ASTN2: variants seen among roughly 807,000 people sequenced by gnomAD.
ASTN2 encodes the protein astrotactin-2.
In ASTN2, 54 loss-of-function variants were observed where a neutral mutation model predicts 139.8. The ratio of observed to expected loss-of-function variants is 0.39; its 90% CI spans 0.31 to 0.48. ASTN2 has a LOEUF of 0.48. Ranked by LOEUF, ASTN2 falls within the 20% of genes least tolerant of loss-of-function variation. The pLI is 0.95. For missense variants in ASTN2, 1,565 were observed against 1,725.1 expected (o/e 0.91, Z 1.64); for synonymous variants, 756 against 719.5 (o/e 1.05, Z -0.81).
chr9:116,494,006 A>G (rs1008012734), intron 19 of ASTN2, among the ~76,000 whole-genome samples: 1 of 152,182 alleles, frequency 6.6e-6, no homozygotes, highest in Admixed American at 6.5e-5. Context: ...GCAACTGTAG[A>G]AATTCATTAT....
intron 1 of ASTN2, among the ~76,000 whole-genome samples, chr9:117,382,346 C>G (rs557297620): frequency 5.3e-5 from 8 of 152,298 alleles, no homozygotes; most frequent in East Asian, 3.9e-4. Context: ...CAGAACAAGT[C>G]TGATCTGCAG....
intron 10 of ASTN2, among the ~76,000 whole-genome samples, chr9:116,908,747 T>A (rs184393317): frequency 1.1e-4 from 17 of 152,346 alleles, no homozygotes. Context: ...AAGCTGTGTA[T>A]GCAGAGATGC....
intron 3 of ASTN2, among the ~76,000 whole-genome samples, chr9:117,210,576 C>T (rs1265327337): frequency 6.6e-6 from 1 of 151,964 alleles, no homozygotes; most frequent in Non-Finnish European, 1.5e-5. Flanking sequence ...AGCCTTCCAA[C>T]AAAGAAAAGT....
intron 11 of ASTN2, among the ~76,000 whole-genome samples, chr9:116,847,204 C>G (rs952477893): frequency 6.6e-6 from 1 of 152,174 alleles, no homozygotes; most frequent in Non-Finnish European, 1.5e-5. Flanking sequence ...CAACCTCTGC[C>G]TCCCTGGTTC....
At chr9:117,328,783 G>A (rs2130844516) in intron 1 of ASTN2, among the ~76,000 whole-genome samples, 1 of 152,302 alleles carries the variant, frequency 6.6e-6, no homozygotes, top group South Asian at 2.1e-4. Context: ...GGATGACCCA[G>A]CCAGAGTGCC....
At chr9:116,602,928 C>A (rs1224816269) in intron 19 of ASTN2, among the ~76,000 whole-genome samples, 1 of 152,154 alleles carries the variant, frequency 6.6e-6, no homozygotes, top group African/African-American at 2.4e-5. Context: ...AGACCTCCAT[C>A]TCAAAGAATG....
chr9:116,990,330 C>G (rs939177486), intron 7 of ASTN2, among the ~76,000 whole-genome samples: 1 of 152,092 alleles, frequency 6.6e-6, no homozygotes, highest in East Asian at 1.9e-4. Flanking sequence ...TGCAGTTGCA[C>G]GATCTCAGCT....
intron 2 of ASTN2, among the ~76,000 whole-genome samples, chr9:117,264,433 T>C (rs1046626280): frequency 2.0e-5 from 3 of 152,232 alleles, no homozygotes; most frequent in African/African-American, 7.2e-5. Context: ...TCGTGATAAA[T>C]TACTGTGCCT....
At chr9:116,995,280 G>A (rs1395253786) in intron 7 of ASTN2, among the ~76,000 whole-genome samples, 2 of 152,152 alleles carry the variant, frequency 1.3e-5, no homozygotes, top group Non-Finnish European at 2.9e-5. Context: ...TTCAGAGCTG[G>A]AGAGTACTCA....
intron 11 of ASTN2, among the ~76,000 whole-genome samples, chr9:116,836,480 G>A (rs1366733354): frequency 6.6e-6 from 1 of 152,138 alleles, no homozygotes; most frequent in Non-Finnish European, 1.5e-5. Context: ...TTCATTTTCT[G>A]TGGTGTTTGG....
At chr9:117,186,051 C>T (rs1181231066) in intron 3 of ASTN2, among the ~76,000 whole-genome samples, 1 of 152,154 alleles carries the variant, frequency 6.6e-6, no homozygotes, top group African/African-American at 2.4e-5. Flanking sequence ...GCTTCAAATC[C>T]TGGGTCTAAT....
intron 1 of ASTN2, among the ~76,000 whole-genome samples, chr9:117,326,239 A>G (rs1379888813): frequency 6.6e-6 from 1 of 152,176 alleles, no homozygotes. Context: ...GACTGTGGGC[A>G]GCCAGTTTGA....
chr9:117,307,284 G>GC (rs1254626380), intron 1 of ASTN2, among the ~76,000 whole-genome samples: 2 of 152,150 alleles, frequency 1.3e-5, no homozygotes, highest in Non-Finnish European at 2.9e-5. Flanking sequence ...TCATACGCAT[G>GC]CATGTCTGCA....
intron 17 of ASTN2, among the ~76,000 whole-genome samples, chr9:116,632,185 G>GGGAGAGA (rs1564168839): frequency 4.1e-5 from 2 of 48,712 alleles, no homozygotes; most frequent in Non-Finnish European, 3.6e-5. Context: ...AGAGAGAGAG[G>GGGAGAGA]GAGAGAGAGA....
chr9:116,502,682 AGAAGGAAGGAAGGAAGGAAGGAAGGAAG>A (rs60618068), intron 19 of ASTN2, among the ~76,000 whole-genome samples: 2 of 96,338 alleles, frequency 2.1e-5, no homozygotes, highest in East Asian at 3.4e-4. Context: ...AAGAAAGGAA[AGAAGGAAGGAAGGAAGGAAGGAAGGAAG>A]GAAGGAAGGA....
intron 19 of ASTN2, among the ~76,000 whole-genome samples, chr9:116,541,934 T>C (rs944940100): frequency 1.3e-5 from 2 of 152,258 alleles, no homozygotes; most frequent in African/African-American, 4.8e-5. Flanking sequence ...AGTTTTCTCC[T>C]GTGGTAACAT....
At chr9:117,344,194 A>C in intron 1 of ASTN2, among the ~76,000 whole-genome samples, 1 of 151,580 alleles carries the variant, frequency 6.6e-6, no homozygotes, top group Non-Finnish European at 1.5e-5. Flanking sequence ...AGAAAAAAAA[A>C]CCCATCCCCA....
chr9:117,293,090 GA>G (rs1190467915), intron 1 of ASTN2, among the ~76,000 whole-genome samples: 6 of 147,844 alleles, frequency 4.1e-5, no homozygotes, highest in Non-Finnish European at 8.9e-5. Flanking sequence ...CAGCTGCTCT[GA>G]AAAAAAAGAA....
chr9:116,473,159 G>A (rs2119018615), intron 20 of ASTN2, among the ~76,000 whole-genome samples: 1 of 152,264 alleles, frequency 6.6e-6, no homozygotes, highest in Admixed American at 6.5e-5. Flanking sequence ...CGACTGGGAG[G>A]CAGGAACCAT....
Sources: allele counts gnomAD v4.1 joint callset (sites outside exome capture counted in the v4.1 genomes callset), GRCh38; gene constraint gnomAD v4.1.1; transcripts MANE v1.5; gene names NCBI Gene and HGNC (gene_info 2026-07-23, HGNC 2026-07-21).